The following TSBP1 variants were observed in gnomAD, a reference collection of about 807,000 sequenced individuals.
TSBP1 encodes testis-expressed basic protein 1.
Under a neutral mutation model 68.8 loss-of-function variants are expected in TSBP1, and 56 were observed. That is an observed-to-expected ratio of 0.81 (90% CI 0.66 to 1.02). TSBP1 has a LOEUF of 1.02. Ranked by LOEUF, TSBP1 falls within the 50% of genes least tolerant of loss-of-function variation. The probability of loss-of-function intolerance (pLI) is 0.00; values close to 1 mark genes in which losing one functional copy is unlikely to be tolerated. For synonymous variants in TSBP1, 171 were observed against 208.7 expected (o/e 0.82, Z 1.56); for missense variants, 502 against 641.2 (o/e 0.78, Z 2.34).
intron 14 of TSBP1, among the ~76,000 whole-genome samples, chr6:32,334,412 A>G (rs1020471306): frequency 6.6e-6 from 1 of 152,168 alleles, no homozygotes; most frequent in Non-Finnish European, 1.5e-5. Context: ...ATTCATTGTT[A>G]ATAACCTGTT....
At chr6:32,364,715 C>T (rs1773464265) in intron 6 of TSBP1, among the ~76,000 whole-genome samples, 1 of 151,964 alleles carries the variant, frequency 6.6e-6, no homozygotes, top group South Asian at 2.1e-4. Context: ...TGTCAGGCAA[C>T]TGGTGGATTG....
rs1339161511 is a variant in TSBP1, at chr6:32,343,287, A to G, written c.350-3649T>C. 4.5e-6 allele frequency: 6 copies of G among 1,341,390 alleles called. No individual in the cohort carries two copies. The African/African-American group carries it at 9.2e-5, about 20-fold the overall frequency. The allele number at this position is 1,341,390 out of a possible 1,614,324, so 83.1% of individuals were successfully genotyped here. On this transcript the variant is annotated intron_variant, in intron 9 of 22. Transcript: ENST00000612031. The surrounding 1 kb of genome is among the most constrained non-coding windows in gnomAD (Gnocchi z 4.3). ...AAGAACAATAACAATTATTCAAGTC[A>G]GTCTAAAGTTTCAATAATCCATCAA... is the stretch of plus-strand genomic sequence containing the variant.
At chr6:32,301,257 GA>G in intron 20 of TSBP1, among the ~76,000 whole-genome samples, 1 of 152,164 alleles carries the variant, frequency 6.6e-6, no homozygotes, top group Non-Finnish European at 1.5e-5. Flanking sequence ...CTGGAACCCT[GA>G]GCTCCAGCGA....
chr6:32,323,739 T>C (rs942170837), intron 16 of TSBP1, 125 bp from the exon 18 acceptor site: 15 of 758,966 alleles, frequency 2.0e-5, no homozygotes, highest in Non-Finnish European at 3.3e-5. Context: ...GGTATTCATT[T>C]ATTTTTAATA....
Position 32,365,617 on chromosome 6 carries a change from G to T in TSBP1, c.217+550C>A. Reference sequence around the variant, plus strand: ...GGCTTATCGGACAGCATCCTGAATGGCTGGGGGATGTGGGCACTCATTAAG... The same window carrying T: ...GGCTTATCGGACAGCATCCTGAATGTCTGGGGGATGTGGGCACTCATTAAG... On this transcript the variant is annotated intron_variant, in intron 6 of 22. Coordinates refer to ENST00000612031, the Ensembl canonical transcript of TSBP1. The surrounding 1 kb of genome is among the most constrained non-coding windows in gnomAD (Gnocchi z 4.3). The T allele has an allele frequency of 2.2e-6, 1 of 456,420 alleles. No homozygotes were observed. The highest frequency in any genetic ancestry group is 1.5e-5 in the South Asian group (1 of 64,550). The allele number at this position is 456,420 out of a possible 1,614,324, so 28.3% of individuals were successfully genotyped here. A position where few individuals can be genotyped will look rare whatever the true frequency, so the allele number is the denominator to read the frequency against.
In TSBP1 at chr6:32,322,476, GA is replaced by G; in HGVS notation, c.559+640del. The G allele has an allele frequency of 6.3e-7, 1 of 1,597,368 alleles. No homozygotes were observed. Among genetic ancestry groups the G allele is most frequent in the East Asian group, 2.2e-5 (1 of 44,760 alleles). ...CCCACATATGACCAGCTGAGAAGTA[GA>G]GTACTTACTTGCGGTTCTCTGTGAA... On this transcript the variant is annotated intron_variant, in intron 18 of 22. Transcript: ENST00000612031.
At chr6:32,356,029 G>A (rs1390986656) in intron 6 of TSBP1, among the ~76,000 whole-genome samples, 1 of 152,180 alleles carries the variant, frequency 6.6e-6, no homozygotes, top group Non-Finnish European at 1.5e-5. Flanking sequence ...TATAATGAAT[G>A]CAAATGTGTA....
At chr6:32,311,758 T>C (rs1766427217) in intron 19 of TSBP1, among the ~76,000 whole-genome samples, 1 of 152,144 alleles carries the variant, frequency 6.6e-6, no homozygotes, top group Non-Finnish European at 1.5e-5. Context: ...AGTAGCACTT[T>C]GAGATTTGCT....
intron 22 of TSBP1, among the ~76,000 whole-genome samples, chr6:32,296,403 CT>C (rs1169084795): frequency 6.6e-6 from 1 of 151,908 alleles, no homozygotes; most frequent in Non-Finnish European, 1.5e-5. Flanking sequence ...TTTTCTGAAC[CT>C]TTTTGTATAT....
chr6:32,339,945 T>C (rs1330821532), intron 9 of TSBP1, among the ~76,000 whole-genome samples: 2 of 152,156 alleles, frequency 1.3e-5, no homozygotes, highest in African/African-American at 4.8e-5. Flanking sequence ...GTATTAGAAA[T>C]GTTATGGAAA....
At chr6:32,320,865 T>C (rs1449090600) in intron 18 of TSBP1, among the ~76,000 whole-genome samples, 2 of 152,086 alleles carry the variant, frequency 1.3e-5, no homozygotes, top group Non-Finnish European at 2.9e-5. Flanking sequence ...GGCCCCAGTG[T>C]CTATTTTTCC....
At chr6:32,355,553 T>C in intron 7 of TSBP1, 96 bp downstream of exon 7, 2 of 1,475,132 alleles carry the variant, frequency 1.4e-6, no homozygotes, top group Non-Finnish European at 1.8e-6. Flanking sequence ...TGACTTGACA[T>C]ATGACAGGAT....
exon 9 of TSBP1, chr6:32,349,822 C>T: frequency 1.9e-6 from 3 of 1,590,090 alleles, no homozygotes; most frequent in Non-Finnish European, 2.6e-6. Flanking sequence ...ACTTAGATGC[C>T]ATAGACACTA....
rs369555038 is a variant in TSBP1 at position 32,336,598 on chromosome 6, A to C, written c.430+17T>G. On this transcript the variant is annotated intron_variant, in intron 12 of 22. Transcript: ENST00000612031. The surrounding 1 kb of genome is among the most constrained non-coding windows in gnomAD (Gnocchi z 5.2). ...ATATCAAAGGGACCAGAGTGGAAAA[A>C]CAAACTTGATACTTACGAATAGGGG... 94 of 1,610,660 alleles carry C rather than the reference A, an allele frequency of 5.8e-5. No homozygotes were observed. Among genetic ancestry groups the C allele is most frequent in the Middle Eastern group, 1.6e-4 (1 of 6,080 alleles).
At chr6:32,350,123 A>G (rs1583138920) in intron 8 of TSBP1, 2 of 558,466 alleles carry the variant, frequency 3.6e-6, no homozygotes, top group East Asian at 8.4e-5. Flanking sequence ...CCTTTCCTCC[A>G]CCTCTTCCTC....
At chr6:32,369,285 A>T (rs1370500167) in intron 2 of TSBP1, among the ~76,000 whole-genome samples, 10 of 141,428 alleles carry the variant, frequency 7.1e-5, no homozygotes, top group South Asian at 2.2e-4. Context: ...TCTCACTTCT[A>T]TTTTTTTTTT....
At chr6:32,366,251 T>G in intron 5 of TSBP1, 22 bp downstream of exon 5, 2 of 1,594,094 alleles carry the variant, frequency 1.3e-6, no homozygotes, top group Non-Finnish European at 1.7e-6. Flanking sequence ...TATATTAATT[T>G]CTTAGCAATA....
rs1015038481 is a variant in TSBP1 at position 32,316,242 on chromosome 6, T to C, written c.560-450A>G. ...CTGATGAATCCTAGCTTAGTCCCTC[T>C]TTTAATTAGTGTTTAAAAAGATTCT... On this transcript the variant is annotated intron_variant, in intron 18 of 22. Coordinates refer to ENST00000612031, the Ensembl canonical transcript of TSBP1. This position sits in a 1 kb window ranked among gnomAD's most constrained non-coding sequence, Gnocchi z 4.5. Among the ~76,000 whole-genome samples, 2 of 152,258 alleles carry C rather than the reference T, an allele frequency of 1.3e-5. No individual in the cohort carries two copies. Among genetic ancestry groups the C allele is most frequent in the African/African-American group, 2.4e-5 (1 of 41,470 alleles).
exon 23 of TSBP1, chr6:32,293,805 T>C (rs1764418376): frequency 8.1e-6 from 13 of 1,612,962 alleles, no homozygotes; most frequent in African/African-American, 1.3e-5. Context: ...TTGACCTCCA[T>C]TCCTATTTTG....
Sources: gnomAD v4.1 joint callset for allele counts (sites outside exome capture counted in the v4.1 genomes callset) on GRCh38, gnomAD v4.1.1 for gene constraint, Gnocchi (gnomAD v3.1) non-coding constraint, MANE v1.5 for transcripts, NCBI Gene and HGNC (gene_info 2026-07-23, HGNC 2026-07-21) for gene names.